GRIA3: variants seen among roughly 807,000 people sequenced by gnomAD.
The protein encoded by GRIA3 is glutamate receptor 3.
In GRIA3, 3 loss-of-function variants were observed where a neutral mutation model predicts 63.0. The ratio of observed to expected loss-of-function variants is 0.05; its 90% CI spans 0.02 to 0.12. The LOEUF (loss-of-function observed/expected upper bound fraction) is 0.12. GRIA3 is among the 10% of genes least tolerant of loss of function. The pLI, the probability that GRIA3 is intolerant of heterozygous loss-of-function variation, is 1.00. For synonymous variants in GRIA3, 274 were observed against 257.9 expected, an observed-to-expected ratio of 1.06 and a Z score of -0.60; for missense variants, 347 against 700.9, an observed-to-expected ratio of 0.50 and a Z score of 5.70.
intron 15 of GRIA3, among the ~76,000 whole-genome samples, chrX:123,488,370 C>T (rs986719906): frequency 2.7e-5 from 3 of 112,539 alleles, no homozygotes; most frequent in Non-Finnish European, 5.6e-5. Context: ...CCTGGGTGAA[C>T]AATCCTTTGT....
At chrX:123,385,893 T>C (rs2045351728) in intron 5 of GRIA3, among the ~76,000 whole-genome samples, 1 of 112,330 alleles carries the variant, frequency 8.9e-6, no homozygotes, top group African/African-American at 3.2e-5. Context: ...GCAATATACA[T>C]AGGAGTGCAG....
At chrX:123,458,649 C>G (rs1258123620) in intron 12 of GRIA3, among the ~76,000 whole-genome samples, 3 of 111,617 alleles carry the variant, frequency 2.7e-5, no homozygotes, top group African/African-American at 9.8e-5. Context: ...AGTGGATATC[C>G]TATTTTATCT....
chrX:123,396,932 G>A (rs1239842690), intron 6 of GRIA3, among the ~76,000 whole-genome samples: 1 of 111,888 alleles, frequency 8.9e-6, no homozygotes, highest in Non-Finnish European at 1.9e-5. Flanking sequence ...CAATATTTTA[G>A]TGGGTTAGTA....
chrX:123,384,397 G>T (rs2045342493), intron 5 of GRIA3, among the ~76,000 whole-genome samples: 1 of 112,156 alleles, frequency 8.9e-6, no homozygotes, highest in Admixed American at 9.4e-5. Context: ...GACCAAGGCG[G>T]GTGGATCACC....
rs147126128 is a variant in GRIA3 at position 123,460,493 on chromosome X, T to C, written c.2077-4372T>C. Among the ~76,000 whole-genome samples the C allele has an allele frequency of 5.6e-3, 629 of 111,634 alleles. 5 individuals carry two copies. Among genetic ancestry groups the C allele is most frequent in the Admixed American group, 0.029 (300 of 10,526 alleles). On this transcript the variant is annotated intron_variant, in intron 12 of 15. Coordinates refer to ENST00000620443, the MANE Select transcript of GRIA3 (RefSeq NM_007325.5). ...CAAAAGGGGTTGGGTAAATAAAACA[T>C]AGTGTGTTCGTAGATTGAAGAGCTA... is the stretch of plus-strand genomic sequence containing the variant.
intron 7 of GRIA3, among the ~76,000 whole-genome samples, 158 bp downstream of exon 7, chrX:123,398,961 T>A (rs1393026024): frequency 9.0e-6 from 1 of 110,591 alleles, no homozygotes; most frequent in Non-Finnish European, 1.9e-5. Context: ...TTTCTATAAA[T>A]CATCCAAACC....
intron 11 of GRIA3, among the ~76,000 whole-genome samples, chrX:123,419,348 G>A (rs2045552009): frequency 9.2e-6 from 1 of 108,692 alleles, no homozygotes; most frequent in African/African-American, 3.4e-5. Context: ...GGCGGAGATT[G>A]CAGTGAGCCG....
chrX:123,450,508 A>G (rs2045724761), intron 12 of GRIA3, among the ~76,000 whole-genome samples: 1 of 112,772 alleles, frequency 8.9e-6, no homozygotes, highest in African/African-American at 3.2e-5. Flanking sequence ...CAAACTTGGA[A>G]TTATAACTTT....
intron 11 of GRIA3, among the ~76,000 whole-genome samples, chrX:123,419,585 C>T: frequency 9.0e-6 from 1 of 110,827 alleles, no homozygotes; most frequent in Admixed American, 9.6e-5. Context: ...TTGCAGGGAG[C>T]AGAGAGGGGA....
At chrX:123,306,268 C>T (rs1025920748) in intron 3 of GRIA3, among the ~76,000 whole-genome samples, 1 of 111,709 alleles carries the variant, frequency 9.0e-6, no homozygotes, top group African/African-American at 3.3e-5. Context: ...CACCAAATCG[C>T]AAGTTGACCA....
intron 3 of GRIA3, among the ~76,000 whole-genome samples, chrX:123,255,297 A>T (rs981087521): frequency 3.6e-5 from 4 of 111,669 alleles, no homozygotes; most frequent in African/African-American, 6.5e-5. Flanking sequence ...AACAAACAGC[A>T]GGGCCAGGAA....
At chrX:123,244,594 G>A (rs745497862) in intron 2 of GRIA3, among the ~76,000 whole-genome samples, 29 of 112,655 alleles carry the variant, frequency 2.6e-4, no homozygotes, top group African/African-American at 9.3e-4. Flanking sequence ...TTGTAAGGAG[G>A]AATTCATAAG....
intron 2 of GRIA3, among the ~76,000 whole-genome samples, chrX:123,235,782 T>C (rs1387147002): frequency 1.8e-5 from 2 of 109,039 alleles, no homozygotes; most frequent in Admixed American, 9.8e-5. Flanking sequence ...GAACACTTTA[T>C]AGAAATCCAT....
At chrX:123,298,827 A>G (rs1005049071) in intron 3 of GRIA3, among the ~76,000 whole-genome samples, 1 of 111,017 alleles carries the variant, frequency 9.0e-6, no homozygotes, top group Non-Finnish European at 1.9e-5. Flanking sequence ...TCTGAATGCT[A>G]TTTCCCTGGT....
chrX:123,392,644 C>A (rs2045392926), intron 5 of GRIA3, among the ~76,000 whole-genome samples: 2 of 111,984 alleles, frequency 1.8e-5, no homozygotes, highest in Non-Finnish European at 3.8e-5. Context: ...CTTCAGGCTT[C>A]CAGATGATCC....
chrX:123,292,754 T>A (rs755290528), intron 3 of GRIA3, among the ~76,000 whole-genome samples: 2 of 111,231 alleles, frequency 1.8e-5, no homozygotes, highest in African/African-American at 3.3e-5. Context: ...AAGTGGCCAG[T>A]AGGATTACAT....
At chrX:123,213,545 A>G (rs1195134491) in intron 2 of GRIA3, among the ~76,000 whole-genome samples, 2 of 112,492 alleles carry the variant, frequency 1.8e-5, no homozygotes, top group Non-Finnish European at 3.7e-5. Flanking sequence ...CACTCTTTCC[A>G]CTATGAAGTA....
chrX:123,399,878 G>T (rs1315220940), intron 7 of GRIA3, among the ~76,000 whole-genome samples: 2 of 111,783 alleles, frequency 1.8e-5, no homozygotes, highest in Admixed American at 1.9e-4. Flanking sequence ...AAAGAGATAT[G>T]ACTCATTTTC....
At chrX:123,377,144 G>A (rs1352390880) in intron 5 of GRIA3, among the ~76,000 whole-genome samples, 3 of 110,092 alleles carry the variant, frequency 2.7e-5, no homozygotes, top group Non-Finnish European at 5.7e-5. Context: ...CACCGTGTTA[G>A]CCAGGATGGT....
Sources: allele counts gnomAD v4.1 joint callset (sites outside exome capture counted in the v4.1 genomes callset), GRCh38; gene constraint gnomAD v4.1.1; transcripts MANE v1.5; gene names NCBI Gene and HGNC (gene_info 2026-07-23, HGNC 2026-07-21).